Variants in ADAM22 observed in about 807,000 individuals in gnomAD.
The protein encoded by ADAM22 is ADAM metallopeptidase domain 22.
A neutral mutation model predicts 144.6 loss-of-function variants in ADAM22; 65 were observed. The ratio of observed to expected loss-of-function variants is 0.45; its 90% confidence interval spans 0.37 to 0.55. ADAM22 has a LOEUF of 0.55. ADAM22 is among the 20% of genes least tolerant of loss of function. The pLI, the probability that ADAM22 is intolerant of heterozygous loss-of-function variation, is 0.00. For synonymous variants in ADAM22, 391 were observed against 412.6 expected, an observed-to-expected ratio of 0.95 and a Z score of 0.63; for missense variants, 974 against 1,184.9, an observed-to-expected ratio of 0.82 and a Z score of 2.61.
At chr7:88,106,411 G>A (rs115678392) in intron 4 of ADAM22, among the ~76,000 whole-genome samples, 262 of 152,232 alleles carry the variant, frequency 1.7e-3, no homozygotes, top group African/African-American at 5.9e-3. Context: ...GGCTAGGCTG[G>A]TTTCCTTGGA....
chr7:88,060,008 A>G (rs1377770700), intron 3 of ADAM22, among the ~76,000 whole-genome samples: 1 of 152,190 alleles, frequency 6.6e-6, no homozygotes, highest in African/African-American at 2.4e-5. Context: ...AATCTAAAAA[A>G]AAACCCCAAT....
intron 2 of ADAM22, among the ~76,000 whole-genome samples, chr7:87,959,314 A>G (rs967349111): frequency 6.6e-6 from 1 of 152,196 alleles, no homozygotes; most frequent in Non-Finnish European, 1.5e-5. Context: ...AAAAGATAAT[A>G]TACATAAAGC....
intron 5 of ADAM22, 26 bp from the exon 6 acceptor site, chr7:88,114,558 C>T (rs373691038): frequency 4.9e-5 from 79 of 1,609,296 alleles, no homozygotes; most frequent in Non-Finnish European, 6.6e-5. Context: ...GATGGCCATG[C>T]CTAATTATTT....
rs1334632193 is a variant in ADAM22, at chr7:88,073,597, T to G, written c.324-2029T>G. ...AATTCCAATCCTCAAATCACGTAAT[T>G]CACTAAATTAATTTAAAGTGCACAG... On this transcript the variant is annotated intron_variant, in intron 3 of 31. Transcript: ENST00000413139. 2.6e-5 allele frequency among the ~76,000 whole-genome samples: 4 copies of G among 152,184 alleles called. 1 individual carries two copies. The highest frequency in any genetic ancestry group is 9.7e-5 in the African/African-American group (4 of 41,428).
intron 4 of ADAM22, among the ~76,000 whole-genome samples, chr7:88,080,275 A>G (rs1333952927): frequency 2.0e-5 from 3 of 152,216 alleles, no homozygotes; most frequent in Non-Finnish European, 4.4e-5. Context: ...GAAGGCAGAA[A>G]TAAAGAGGTT....
chr7:88,069,317 G>C (rs1327801683), intron 3 of ADAM22, among the ~76,000 whole-genome samples: 2 of 151,922 alleles, frequency 1.3e-5, no homozygotes, highest in Admixed American at 1.3e-4. Flanking sequence ...CTCACAAGTT[G>C]CTGGCACCTT....
At chr7:88,103,106 G>A (rs1035044661) in intron 4 of ADAM22, among the ~76,000 whole-genome samples, 1 of 152,158 alleles carries the variant, frequency 6.6e-6, no homozygotes, top group African/African-American at 2.4e-5. Context: ...GGGTTAGCAG[G>A]AAGTCATTTA....
chr7:88,067,339 G>T (rs1266322743), intron 3 of ADAM22, among the ~76,000 whole-genome samples: 1 of 151,150 alleles, frequency 6.6e-6, no homozygotes, highest in African/African-American at 2.4e-5. Flanking sequence ...CTGGTGTGCT[G>T]CACCCATTAA....
chr7:88,078,552 C>G (rs1563165833), intron 4 of ADAM22, among the ~76,000 whole-genome samples: 1 of 152,094 alleles, frequency 6.6e-6, no homozygotes, highest in African/African-American at 2.4e-5. Context: ...CTACTCCGAG[C>G]TAAAGGAGGA....
chr7:88,025,973 C>T (rs549936731), intron 3 of ADAM22, among the ~76,000 whole-genome samples: 2 of 152,220 alleles, frequency 1.3e-5, no homozygotes, highest in African/African-American at 4.8e-5. Flanking sequence ...GTCATTTTAA[C>T]AATATCTTTT....
chr7:87,947,569 TTTTCACTTAATTTAA>T (rs772274998), intron 2 of ADAM22, among the ~76,000 whole-genome samples: 14 of 152,014 alleles, frequency 9.2e-5, no homozygotes, highest in Non-Finnish European at 2.1e-4. Flanking sequence ...ATACTAAGAA[TTTTCACTTAATTTAA>T]TTTCTGAGAC....
chr7:88,104,804 T>G (rs1157450284), intron 4 of ADAM22, among the ~76,000 whole-genome samples: 1 of 152,010 alleles, frequency 6.6e-6, no homozygotes, highest in East Asian at 1.9e-4. Context: ...TGAGATTTTT[T>G]TTTTCCCCTG....
intron 14 of ADAM22, among the ~76,000 whole-genome samples, chr7:88,141,943 G>A (rs953044430): frequency 1.3e-5 from 2 of 151,672 alleles, no homozygotes; most frequent in Non-Finnish European, 2.9e-5. Flanking sequence ...AGATCCAAAG[G>A]TGTGCTCTTT....
At chr7:87,982,480 G>C (rs1853793489) in intron 3 of ADAM22, among the ~76,000 whole-genome samples, 1 of 151,184 alleles carries the variant, frequency 6.6e-6, no homozygotes, top group African/African-American at 2.4e-5. Context: ...GTTGGCACAG[G>C]GATAGCCAAG....
intron 3 of ADAM22, among the ~76,000 whole-genome samples, chr7:87,996,520 A>G (rs1584907676): frequency 6.6e-6 from 1 of 152,196 alleles, no homozygotes; most frequent in African/African-American, 2.4e-5. Flanking sequence ...AGCTCCTCAT[A>G]TAATCACATT....
intron 4 of ADAM22, among the ~76,000 whole-genome samples, chr7:88,079,760 A>T (rs1292999639): frequency 2.0e-5 from 3 of 152,244 alleles, no homozygotes; most frequent in African/African-American, 7.2e-5. Context: ...AGGCTATTAC[A>T]TAATGGTAAA....
intron 7 of ADAM22, among the ~76,000 whole-genome samples, chr7:88,120,825 A>G (rs189026258): frequency 5.9e-5 from 9 of 152,222 alleles, no homozygotes. Flanking sequence ...ATGCTAAGTA[A>G]TTTTTGCTAG....
intron 3 of ADAM22, among the ~76,000 whole-genome samples, chr7:88,047,909 A>G (rs1805105627): frequency 6.6e-6 from 1 of 152,148 alleles, no homozygotes; most frequent in Admixed American, 6.5e-5. Flanking sequence ...ATACATATAT[A>G]TAAGAAAAGT....
At chr7:87,982,099 A>ACG (rs1853680605) in intron 3 of ADAM22, among the ~76,000 whole-genome samples, 1 of 150,146 alleles carries the variant, frequency 6.7e-6, no homozygotes, top group Non-Finnish European at 1.5e-5. Context: ...ACACACACAC[A>ACG]CACACACACA....
Sources: allele counts gnomAD v4.1 joint callset (sites outside exome capture counted in the v4.1 genomes callset), GRCh38; gene constraint gnomAD v4.1.1; transcripts MANE v1.5; gene names NCBI Gene and HGNC (gene_info 2026-07-23, HGNC 2026-07-21).